PDE7B: variants seen among roughly 807,000 people sequenced by gnomAD.
The protein encoded by PDE7B is 3',5'-cyclic-AMP phosphodiesterase 7B.
In PDE7B, 29 loss-of-function variants were observed where a neutral mutation model predicts 56.2. The ratio of observed to expected loss-of-function variants is 0.52; its 90% confidence interval spans 0.38 to 0.70. The LOEUF is 0.70. PDE7B is among the 30% of genes least tolerant of loss of function. The probability of loss-of-function intolerance (pLI) is 0.00; values close to 1 mark genes in which losing one functional copy is unlikely to be tolerated. For synonymous variants in PDE7B, 197 were observed against 196.9 expected (o/e 1.00, Z 0.00); for missense variants, 490 against 565.0 (o/e 0.87, Z 1.35).
At chr6:135,913,138 T>G (rs1442558358) in intron 1 of PDE7B, among the ~76,000 whole-genome samples, 1 of 152,232 alleles carries the variant, frequency 6.6e-6, no homozygotes, top group Non-Finnish European at 1.5e-5. Flanking sequence ...AATTATCTTT[T>G]TAATCTACAA....
At chr6:136,125,509 A>C (rs188637487) in intron 3 of PDE7B, among the ~76,000 whole-genome samples, 23 of 152,272 alleles carry the variant, frequency 1.5e-4, no homozygotes, top group Non-Finnish European at 1.6e-4. Flanking sequence ...GGCTACAGTG[A>C]GCTATGATAC....
At chr6:136,173,535 T>C (rs932415864) in intron 8 of PDE7B, among the ~76,000 whole-genome samples, 3 of 152,114 alleles carry the variant, frequency 2.0e-5, no homozygotes, top group African/African-American at 7.2e-5. Flanking sequence ...GAGGCAGGAG[T>C]GAATGATGCT....
At chr6:135,981,553 G>A (rs1172048600) in intron 2 of PDE7B, among the ~76,000 whole-genome samples, 4 of 146,778 alleles carry the variant, frequency 2.7e-5, no homozygotes, top group Admixed American at 6.8e-5. Flanking sequence ...AAAAAAAACC[G>A]AGACACAAAT....
At chr6:136,035,473 C>T (rs950025415) in intron 2 of PDE7B, among the ~76,000 whole-genome samples, 5 of 152,216 alleles carry the variant, frequency 3.3e-5, no homozygotes, top group Admixed American at 1.3e-4. Context: ...CAAGCTTTCT[C>T]GCAAGATTTC....
intron 1 of PDE7B, among the ~76,000 whole-genome samples, chr6:135,940,094 C>T (rs571842152): frequency 7.6e-4 from 116 of 152,280 alleles, no homozygotes; most frequent in African/African-American, 2.1e-3. Context: ...CCCTCTGTGA[C>T]GACCACTTTG....
intron 1 of PDE7B, among the ~76,000 whole-genome samples, chr6:135,926,187 C>T (rs1287104736): frequency 4.0e-5 from 6 of 150,272 alleles, no homozygotes; most frequent in East Asian, 2.0e-4. Context: ...CCTGGGTTCA[C>T]GCCATTCTCC....
chr6:136,128,805 G>A (rs1213792132), intron 3 of PDE7B, among the ~76,000 whole-genome samples: 2 of 152,084 alleles, frequency 1.3e-5, no homozygotes, highest in Non-Finnish European at 2.9e-5. Flanking sequence ...CAAAACACTA[G>A]CCACCATGGG....
At chr6:135,905,930 G>A (rs1449608868) in intron 1 of PDE7B, among the ~76,000 whole-genome samples, 4 of 152,190 alleles carry the variant, frequency 2.6e-5, no homozygotes, top group African/African-American at 9.7e-5. Context: ...GAGCTCTCCT[G>A]CCCTGTGCTG....
intron 1 of PDE7B, among the ~76,000 whole-genome samples, chr6:135,890,100 TGAG>T (rs1775784760): frequency 6.6e-6 from 1 of 152,146 alleles, no homozygotes; most frequent in Admixed American, 6.6e-5. Context: ...GGCAGGGACA[TGAG>T]TGTACCAATT....
At chr6:136,098,244 G>A (rs1172390319) in intron 2 of PDE7B, among the ~76,000 whole-genome samples, 1 of 151,066 alleles carries the variant, frequency 6.6e-6, no homozygotes, top group Admixed American at 6.6e-5. Context: ...GAAGAAGAGA[G>A]AGTAGACTAC....
intron 2 of PDE7B, among the ~76,000 whole-genome samples, chr6:135,951,314 C>CCAGAAAAACAGTAGTGAATAAAACAG (rs1774694872): frequency 6.6e-6 from 1 of 152,106 alleles, no homozygotes; most frequent in African/African-American, 2.4e-5. Flanking sequence ...TGTATAGCAA[C>CCAGAAAAACAGTAGTGAATAAAACAG]ACTTTTACCT....
intron 9 of PDE7B, among the ~76,000 whole-genome samples, chr6:136,177,452 A>T (rs79600075): frequency 0.021 from 3,166 of 152,286 alleles, 101 homozygotes; most frequent in African/African-American, 0.071. Context: ...AACCTCAGAA[A>T]CAATAAGAAA....
Position 135,906,829 on chromosome 6 carries a change from T to TTTTTTTTTTTTTTTTTTTTTTTTTTTTG in PDE7B, c.22-40628_22-40627insTTTTTTTTTTTTTTTTTTTTGTTTTTTT, listed in dbSNP as rs1562434158. The stretch of plus-strand genomic sequence containing the variant: ...AGGTTTGTTTTTTTTTTTTTTTTTT[T>TTTTTTTTTTTTTTTTTTTTTTTTTTTTG]TTTTTTTAATCCTCTAGGCTTTTCC... On this transcript the variant is annotated intron_variant, in intron 1 of 12. Transcript: ENST00000308191. Among the ~76,000 whole-genome samples the TTTTTTTTTTTTTTTTTTTTTTTTTTTTG allele has an allele frequency of 1.4e-5, 2 of 142,604 alleles. 1 individual carries two copies. The highest frequency in any genetic ancestry group is 5.7e-5 in the African/African-American group (2 of 35,218). The allele number at this position is 142,604 out of a possible 152,430, so 93.6% of individuals were successfully genotyped here.
At chr6:136,050,716 A>G (rs557481379) in intron 2 of PDE7B, among the ~76,000 whole-genome samples, 1 of 152,296 alleles carries the variant, frequency 6.6e-6, no homozygotes, top group Admixed American at 6.5e-5. Flanking sequence ...ACCATGATTC[A>G]GGGCCTGTAC....
chr6:135,945,066 CACTTTA>C (rs879509820), intron 1 of PDE7B, among the ~76,000 whole-genome samples: 52,088 of 151,818 alleles, frequency 0.34, 9,382 homozygotes, highest in Admixed American at 0.49. Context: ...TTAACACTTT[CACTTTA>C]ATCACTTTAA....
intron 2 of PDE7B, among the ~76,000 whole-genome samples, chr6:136,042,918 A>G (rs1336529092): frequency 6.6e-6 from 1 of 152,242 alleles, no homozygotes; most frequent in East Asian, 1.9e-4. Context: ...TTTATGAATC[A>G]GAGCTCTGTC....
At chr6:136,086,265 T>C (rs1415726070) in intron 2 of PDE7B, among the ~76,000 whole-genome samples, 1 of 152,226 alleles carries the variant, frequency 6.6e-6, no homozygotes, top group Non-Finnish European at 1.5e-5. Flanking sequence ...TTCTTTTGCA[T>C]CTACTCTTAT....
chr6:136,169,065 GCTAC>G (rs1367362938), intron 8 of PDE7B, among the ~76,000 whole-genome samples: 1 of 152,104 alleles, frequency 6.6e-6, no homozygotes, highest in Admixed American at 6.6e-5. Flanking sequence ...GCCTTCCTCA[GCTAC>G]TCACTAGCTC....
chr6:136,008,696 G>A (rs1203533474), intron 2 of PDE7B, among the ~76,000 whole-genome samples: 1 of 152,188 alleles, frequency 6.6e-6, no homozygotes, highest in Non-Finnish European at 1.5e-5. Context: ...TTTGTTTCTT[G>A]TAAATTTGTT....
Sources: allele counts gnomAD v4.1 joint callset (sites outside exome capture counted in the v4.1 genomes callset), GRCh38; gene constraint gnomAD v4.1.1; transcripts MANE v1.5; gene names NCBI Gene and HGNC (gene_info 2026-07-23, HGNC 2026-07-21).